Variants in TMEM178B observed in about 807,000 individuals in gnomAD.
The protein encoded by TMEM178B is transmembrane protein 178B.
A neutral mutation model predicts 31.0 loss-of-function variants in TMEM178B; 5 were observed. That is an observed-to-expected ratio of 0.16 (90% CI 0.08 to 0.34). The LOEUF (loss-of-function observed/expected upper bound fraction) is 0.34, where lower values mean the gene tolerates loss of function less well. TMEM178B is among the 10% of genes least tolerant of loss of function. The pLI, the probability that TMEM178B is intolerant of heterozygous loss-of-function variation, is 1.00. For synonymous variants in TMEM178B, 164 were observed against 164.0 expected, an observed-to-expected ratio of 1.00 and a Z score of 0.00; for missense variants, 275 against 400.3, an observed-to-expected ratio of 0.69 and a Z score of 2.67.
intron 1 of TMEM178B, among the ~76,000 whole-genome samples, chr7:141,181,645 C>A (rs1216214605): frequency 6.6e-6 from 1 of 152,190 alleles, no homozygotes; most frequent in African/African-American, 2.4e-5. Context: ...CATTAACTGT[C>A]AATGACAAGA....
chr7:141,499,464 CAA>C, the TMEM178B span, among the ~76,000 whole-genome samples: 28 of 50,700 alleles, frequency 5.5e-4, no homozygotes, highest in Middle Eastern at 8.3e-3. Flanking sequence ...CACATCTCTA[CAA>C]AAAAAAAAAA....
rs1303460300 is a variant in TMEM178B, at chr7:141,116,849, T to C, written c.382+42157T>C. Reference sequence around the variant, plus strand: ...TGTCCCTGCAAAGGACATGAACTCATGCTTTTTTATGGCTGCATAGTATTC... The same window carrying C: ...TGTCCCTGCAAAGGACATGAACTCACGCTTTTTTATGGCTGCATAGTATTC... On this transcript the variant is annotated intron_variant, in intron 1 of 3. Coordinates refer to ENST00000565468, the MANE Select transcript of TMEM178B (RefSeq NM_001195278.2). Among the ~76,000 whole-genome samples, 7 of 152,320 alleles carry C rather than the reference T, an allele frequency of 4.6e-5. No homozygotes were observed. In the East Asian group the frequency reaches 1.3e-3, roughly 29 times the overall value.
the TMEM178B span, among the ~76,000 whole-genome samples, chr7:141,485,876 C>G: frequency 2.0e-5 from 3 of 152,144 alleles, no homozygotes; most frequent in African/African-American, 7.2e-5. Flanking sequence ...AGTTGGACTC[C>G]CTCTACATTC....
At chr7:141,313,837 A>ATTAT (rs1798955185) in intron 2 of TMEM178B, among the ~76,000 whole-genome samples, 1 of 140,390 alleles carries the variant, frequency 7.1e-6, no homozygotes, top group African/African-American at 2.5e-5. Context: ...GAAGGAGGGC[A>ATTAT]TTATTTCAGA....
intron 1 of TMEM178B, among the ~76,000 whole-genome samples, chr7:141,102,641 C>G (rs941528231): frequency 1.3e-5 from 2 of 152,218 alleles, no homozygotes; most frequent in Non-Finnish European, 2.9e-5. Flanking sequence ...TGCCCACACA[C>G]CAACTGTCTC....
chr7:141,419,891 C>T (rs569620077), intron 2 of TMEM178B, among the ~76,000 whole-genome samples: 52 of 151,992 alleles, frequency 3.4e-4, no homozygotes, highest in African/African-American at 8.7e-4. Context: ...ATAATAATTA[C>T]GTGGCAAAAA....
chr7:141,331,032 C>A (rs1401345943), intron 2 of TMEM178B, among the ~76,000 whole-genome samples: 1 of 152,130 alleles, frequency 6.6e-6, no homozygotes, highest in Non-Finnish European at 1.5e-5. Flanking sequence ...GTTGGAATTG[C>A]CATCAACTGA....
At chr7:141,401,368 C>A (rs1800761708) in intron 2 of TMEM178B, among the ~76,000 whole-genome samples, 1 of 151,930 alleles carries the variant, frequency 6.6e-6, no homozygotes, top group Admixed American at 6.6e-5. Flanking sequence ...GTTCAGGTAC[C>A]ACTGGGCAAT....
intron 2 of TMEM178B, among the ~76,000 whole-genome samples, chr7:141,367,085 G>T (rs13437812): frequency 0.051 from 7,605 of 148,204 alleles, 260 homozygotes; most frequent in Admixed American, 0.073. Context: ...CATGACAGCA[G>T]GGGGGAGGGG....
At chr7:141,134,673 C>T (rs1795646646) in intron 1 of TMEM178B, among the ~76,000 whole-genome samples, 1 of 152,154 alleles carries the variant, frequency 6.6e-6, no homozygotes, top group African/African-American at 2.4e-5. Context: ...CCTCACCTAT[C>T]AATAATAACT....
intron 1 of TMEM178B, among the ~76,000 whole-genome samples, chr7:141,207,996 C>G (rs1445734931): frequency 1.3e-5 from 2 of 151,886 alleles, no homozygotes; most frequent in Non-Finnish European, 2.9e-5. Context: ...TTGAGACCAG[C>G]CTGGGCAATA....
chr7:141,341,527 A>G (rs1039166231), intron 2 of TMEM178B, among the ~76,000 whole-genome samples: 1 of 152,156 alleles, frequency 6.6e-6, no homozygotes, highest in Non-Finnish European at 1.5e-5. Flanking sequence ...TGAGAAAGGA[A>G]GTGTGCTGAT....
rs576917015 is a variant in TMEM178B, at chr7:141,253,028, T to C, written c.496+40324T>C. The stretch of plus-strand genomic sequence containing the variant: ...AAGAGAAAAGAGGTGGCAATCTGTA[T>C]GTGCACATGCCCCGCCCTCTGCCTC... On this transcript the variant is annotated intron_variant, in intron 2 of 3. Coordinates refer to ENST00000565468, the MANE Select transcript of TMEM178B (RefSeq NM_001195278.2). 5.4e-4 allele frequency among the ~76,000 whole-genome samples: 83 copies of C among 152,360 alleles called. 1 individual carries two copies. The South Asian group carries it at 0.017, about 31-fold the overall frequency.
intron 2 of TMEM178B, among the ~76,000 whole-genome samples, chr7:141,346,257 A>G (rs1799619153): frequency 6.6e-6 from 1 of 152,112 alleles, no homozygotes. Flanking sequence ...AACAAACAAA[A>G]AAACCTCTTT....
rs533394697 is a variant in TMEM178B at position 141,228,774 on chromosome 7, G to A, written c.496+16070G>A. Reference sequence around the variant, plus strand: ...TTGTATCATTTTCCTCCATTCGCTCGGCATCCATCCTGGTGGGGTGTGGAA... The same window carrying A: ...TTGTATCATTTTCCTCCATTCGCTCAGCATCCATCCTGGTGGGGTGTGGAA... On this transcript the variant is annotated intron_variant, in intron 2 of 3. Coordinates refer to ENST00000565468, the MANE Select transcript of TMEM178B (RefSeq NM_001195278.2). Among the ~76,000 whole-genome samples the A allele has an allele frequency of 4.6e-5, 7 of 152,180 alleles. No individual in the cohort carries two copies. In the South Asian group the frequency reaches 1.0e-3, roughly 23 times the overall value.
chr7:141,190,261 T>C (rs557637003), intron 1 of TMEM178B, among the ~76,000 whole-genome samples: 8 of 152,256 alleles, frequency 5.3e-5, no homozygotes, highest in Non-Finnish European at 1.2e-4. Context: ...TTGGGCAAAA[T>C]CATCTAACAC....
At chr7:141,152,072 G>A (rs1446243876) in intron 1 of TMEM178B, among the ~76,000 whole-genome samples, 7 of 152,196 alleles carry the variant, frequency 4.6e-5, no homozygotes, top group Non-Finnish European at 1.0e-4. Flanking sequence ...CCTATGCTGA[G>A]AGGCATGGCA....
chr7:141,193,117 C>T (rs1389184468), intron 1 of TMEM178B, among the ~76,000 whole-genome samples: 1 of 152,202 alleles, frequency 6.6e-6, no homozygotes, highest in Non-Finnish European at 1.5e-5. Flanking sequence ...CCTGCTTCTC[C>T]TATGAGGCGG....
intron 1 of TMEM178B, among the ~76,000 whole-genome samples, chr7:141,191,479 C>T (rs979623147): frequency 5.9e-5 from 9 of 152,230 alleles, no homozygotes; most frequent in African/African-American, 9.6e-5. Context: ...CGGCCACTCA[C>T]GACAGTGTCT....
Sources: gnomAD v4.1 joint callset for allele counts (sites outside exome capture counted in the v4.1 genomes callset) on GRCh38, gnomAD v4.1.1 for gene constraint, MANE v1.5 for transcripts, NCBI Gene and HGNC (gene_info 2026-07-23, HGNC 2026-07-21) for gene names.